Variants in BMPER observed in about 807,000 individuals in gnomAD.
BMPER encodes BMP-binding endothelial regulator protein.
Under a neutral mutation model 87.3 loss-of-function variants are expected in BMPER, and 45 were observed. The ratio of observed to expected loss-of-function variants is 0.52; its 90% CI spans 0.41 to 0.66. BMPER has a LOEUF of 0.66. Ranked by LOEUF, BMPER falls within the 30% of genes least tolerant of loss-of-function variation. The pLI is 0.00. For missense variants in BMPER, 784 were observed against 867.5 expected (o/e 0.90, Z 1.21); for synonymous variants, 326 against 316.2 (o/e 1.03, Z -0.33).
intron 6 of BMPER, among the ~76,000 whole-genome samples, chr7:34,000,106 A>G (rs1786538954): frequency 6.6e-6 from 1 of 152,176 alleles, no homozygotes; most frequent in African/African-American, 2.4e-5. Flanking sequence ...CGTAATAATC[A>G]CATGTCGAGT....
intron 13 of BMPER, among the ~76,000 whole-genome samples, chr7:34,122,151 C>T (rs1790279805): frequency 6.6e-6 from 1 of 151,998 alleles, no homozygotes; most frequent in South Asian, 2.1e-4. Flanking sequence ...AGACTACTGC[C>T]TCTCAAAGCT....
At chr7:34,151,310 C>T (rs560486354) in intron 14 of BMPER, among the ~76,000 whole-genome samples, 91 of 152,038 alleles carry the variant, frequency 6.0e-4, no homozygotes, top group Admixed American at 1.5e-3. Context: ...TCGCCAAGTG[C>T]CAGAAAATGT....
chr7:34,087,792 A>C (rs1456310060), intron 13 of BMPER, among the ~76,000 whole-genome samples: 1 of 152,232 alleles, frequency 6.6e-6, no homozygotes, highest in Non-Finnish European at 1.5e-5. Context: ...CAAGCAGCCT[A>C]CACCTTTGAT....
chr7:34,028,601 G>GTTTTTTTTT lies in BMPER; in HGVS notation c.577-17681_577-17673dup. On this transcript the variant is annotated intron_variant, in intron 6 of 14. Transcript: ENST00000649409. ...ACATACAGTCCAAATCATTTTTTCT[G>GTTTTTTTTT]TTTTTTTTTTTTTTTTTTTTTTTTT... 4.1e-3 allele frequency among the ~76,000 whole-genome samples: 148 copies of GTTTTTTTTT among 36,048 alleles called. 25 individuals are homozygous for GTTTTTTTTT. Among genetic ancestry groups the GTTTTTTTTT allele is most frequent in the East Asian group, 7.3e-3 (6 of 820 alleles). 23.6% of individuals were successfully genotyped at this position (36,048 alleles called of 152,430 possible).
chr7:34,020,888 A>ACACG (rs958960948), intron 6 of BMPER, among the ~76,000 whole-genome samples: 6 of 147,342 alleles, frequency 4.1e-5, no homozygotes, highest in South Asian at 2.1e-4. Context: ...ACACACACAC[A>ACACG]CACGCACGCA....
At chr7:34,151,325 G>A (rs1019961273) in intron 14 of BMPER, among the ~76,000 whole-genome samples, 1 of 152,190 alleles carries the variant, frequency 6.6e-6, no homozygotes, top group Non-Finnish European at 1.5e-5. Context: ...AAATGTGTGT[G>A]CTAGAGATGT....
chr7:34,056,070 C>T (rs931141008), intron 9 of BMPER, among the ~76,000 whole-genome samples: 7 of 152,242 alleles, frequency 4.6e-5, no homozygotes, highest in African/African-American at 1.7e-4. Flanking sequence ...AGGCATGCTG[C>T]ACTGAGCCAC....
intron 13 of BMPER, 28 bp from the exon 14 acceptor site, chr7:34,143,202 G>A (rs548084378): frequency 6.2e-7 from 1 of 1,613,234 alleles, no homozygotes; most frequent in African/African-American, 1.3e-5. Context: ...ATTTTTAAAT[G>A]TTTCTATCTC....
chr7:34,031,013 G>A (rs769070900), intron 6 of BMPER, among the ~76,000 whole-genome samples: 3 of 152,022 alleles, frequency 2.0e-5, no homozygotes, highest in Admixed American at 6.6e-5. Context: ...TGTCTTTCAC[G>A]TTAGGTCAAG....
intron 13 of BMPER, among the ~76,000 whole-genome samples, chr7:34,138,119 G>T (rs112767524): frequency 3.3e-5 from 5 of 152,176 alleles, no homozygotes; most frequent in African/African-American, 1.2e-4. Flanking sequence ...AACTGAACTT[G>T]TAATTTTATT....
intron 6 of BMPER, among the ~76,000 whole-genome samples, chr7:33,990,923 G>T (rs1231913572): frequency 8.4e-6 from 1 of 118,874 alleles, no homozygotes; most frequent in African/African-American, 3.2e-5. Flanking sequence ...TACATTTATT[G>T]ATTTGCATAT....
chr7:33,945,468 T>C (rs1585665011), intron 3 of BMPER, among the ~76,000 whole-genome samples: 1 of 150,672 alleles, frequency 6.6e-6, no homozygotes, highest in South Asian at 2.1e-4. Context: ...GCCAGGCTGG[T>C]CTTGAACTCC....
intron 6 of BMPER, among the ~76,000 whole-genome samples, chr7:34,007,349 A>G (rs1019045066): frequency 6.6e-6 from 1 of 152,072 alleles, no homozygotes; most frequent in Non-Finnish European, 1.5e-5. Context: ...GGGATTTCAC[A>G]TGCACATGTA....
chr7:34,063,762 C>T (rs1282403667), intron 11 of BMPER, among the ~76,000 whole-genome samples: 2 of 152,030 alleles, frequency 1.3e-5, no homozygotes, highest in African/African-American at 4.8e-5. Flanking sequence ...CCAGTTAATT[C>T]CCTTCTGGAT....
intron 6 of BMPER, among the ~76,000 whole-genome samples, chr7:34,041,446 A>C (rs1241074128): frequency 1.3e-5 from 2 of 152,248 alleles, no homozygotes; most frequent in African/African-American, 2.4e-5. Context: ...AGATTAGACT[A>C]TTCTTTGCAG....
At chr7:34,071,011 G>C (rs895736313) in intron 11 of BMPER, among the ~76,000 whole-genome samples, 1 of 152,016 alleles carries the variant, frequency 6.6e-6, no homozygotes, top group Non-Finnish European at 1.5e-5. Context: ...TCTGCACTCT[G>C]GTGCGATTGG....
intron 8 of BMPER, among the ~76,000 whole-genome samples, chr7:34,053,587 T>C (rs1389638862): frequency 3.9e-5 from 6 of 152,376 alleles, no homozygotes; most frequent in East Asian, 3.9e-4. Flanking sequence ...TTACATACTG[T>C]ATTCTTATAA....
chr7:34,033,861 C>T (rs897092858), intron 6 of BMPER, among the ~76,000 whole-genome samples: 2 of 152,218 alleles, frequency 1.3e-5, no homozygotes, highest in African/African-American at 4.8e-5. Flanking sequence ...CCTTAAACTT[C>T]TATCCTTCTA....
intron 2 of BMPER, among the ~76,000 whole-genome samples, chr7:33,934,386 G>A (rs1301166778): frequency 2.0e-5 from 3 of 152,016 alleles, no homozygotes; most frequent in Non-Finnish European, 2.9e-5. Flanking sequence ...AGACACCAGG[G>A]CAATGATCAG....
Sources: gnomAD v4.1 joint callset for allele counts (sites outside exome capture counted in the v4.1 genomes callset) on GRCh38, gnomAD v4.1.1 for gene constraint, MANE v1.5 for transcripts, NCBI Gene and HGNC (gene_info 2026-07-23, HGNC 2026-07-21) for gene names.